ALK: variants seen among roughly 807,000 people sequenced by gnomAD.
The protein encoded by ALK is ALK receptor tyrosine kinase, also known as ALK tyrosine kinase receptor.
ALK carries 74 observed loss-of-function variants against 163.1 expected under a neutral mutation model. That is an observed-to-expected ratio of 0.45 (90% CI 0.38 to 0.55). The LOEUF (loss-of-function observed/expected upper bound fraction) is 0.55, where lower values mean the gene tolerates loss of function less well. Among genes scored for constraint, ALK ranks in the 20% least tolerant of loss-of-function variants. ALK has a pLI of 0.00. For synonymous variants in ALK, 960 were observed against 843.2 expected (o/e 1.14, Z -2.40); for missense variants, 2,063 against 2,105.3 (o/e 0.98, Z 0.39).
chr2:29,441,125 C>T (rs1016362417), intron 4 of ALK, among the ~76,000 whole-genome samples: 15 of 152,192 alleles, frequency 9.9e-5, no homozygotes, highest in South Asian at 4.1e-4. Flanking sequence ...AGTGCTGGCA[C>T]GCCCTGCTCA....
At position 29,705,867 on chromosome 2, in the gene ALK, G is replaced by A. The variant is rs186223575; in HGVS notation, c.788-10853C>T. Among the ~76,000 whole-genome samples the A allele has an allele frequency of 5.1e-3, 784 of 152,320 alleles. 9 individuals carry two copies. Among genetic ancestry groups the A allele is most frequent in the South Asian group, 0.035 (169 of 4,824 alleles). On this transcript the variant is annotated intron_variant, in intron 2 of 28. Transcript: ENST00000389048. ...ACTCTTTAAGTGTCTCCAGGAGTCA[G>A]CAATGGCAGAGAGCACATAAGAGGG...
At chr2:29,864,531 A>G (rs146940450) in intron 1 of ALK, among the ~76,000 whole-genome samples, 1,751 of 152,330 alleles carry the variant, frequency 0.011, 34 homozygotes, top group African/African-American at 0.04. Context: ...GATACCAAGA[A>G]TCACATCTTT....
At chr2:29,905,141 T>A (rs573966393) in intron 1 of ALK, among the ~76,000 whole-genome samples, 2 of 152,354 alleles carry the variant, frequency 1.3e-5, no homozygotes, top group African/African-American at 4.8e-5. Flanking sequence ...TGCAAAGTAA[T>A]TTCTTGATGT....
chr2:29,702,882 T>G (rs1159187337), intron 2 of ALK, among the ~76,000 whole-genome samples: 2 of 152,182 alleles, frequency 1.3e-5, no homozygotes, highest in African/African-American at 2.4e-5. Context: ...TCCCATGACA[T>G]GTAGGGATTA....
intron 1 of ALK, among the ~76,000 whole-genome samples, chr2:29,765,006 T>TTC (rs374922669): frequency 1.1e-4 from 16 of 151,618 alleles, no homozygotes; most frequent in Non-Finnish European, 2.4e-4. Flanking sequence ...TGGCACCTCC[T>TTC]TCTCTCTCTC....
chr2:29,201,993 C>G (rs1279948443), intron 26 of ALK, among the ~76,000 whole-genome samples: 1 of 152,064 alleles, frequency 6.6e-6, no homozygotes, highest in East Asian at 1.9e-4. Flanking sequence ...GCTTACAACC[C>G]TTCAACCGGC....
chr2:29,531,951 C>G lies in ALK; in HGVS notation c.1118G>C (p.Arg373Thr). ...AQLLPHNEAAREILLMPTPGK... is the reference protein window; with the variant it reads ...AQLLPHNEAATEILLMPTPGK... The stretch of plus-strand genomic sequence containing the variant: ...TGGAGTGGGCATCAGGAGGATCTCT[C>G]TTGCAGCCTCGTTGTGGGGCAGCAG... Residue 373 changes from arginine to threonine, a missense_variant, in exon 4 of 29, where the codon AGA (arginine) becomes ACA (threonine). Arg to Thr is a moderately conservative substitution (Grantham distance 71, BLOSUM62 -1). Transcript: ENST00000389048. 1 of 1,614,186 alleles carries G rather than the reference C, an allele frequency of 6.2e-7. No homozygotes were observed. Among genetic ancestry groups the G allele is most frequent in the Non-Finnish European group, 8.5e-7 (1 of 1,180,024 alleles).
At chr2:29,233,206 G>A (rs551032163) in intron 14 of ALK, among the ~76,000 whole-genome samples, 1 of 152,278 alleles carries the variant, frequency 6.6e-6, no homozygotes, top group South Asian at 2.1e-4. Flanking sequence ...TCAATGGCGT[G>A]ATGACAGCTC....
intron 7 of ALK, 130 bp downstream of exon 7, chr2:29,320,621 G>A (rs190803448): frequency 3.6e-4 from 460 of 1,295,014 alleles, no homozygotes; most frequent in Admixed American, 5.2e-4. Flanking sequence ...GTGTGTGAAC[G>A]CTCTAGGCAA....
At chr2:29,624,225 G>T (rs1676124843) in intron 3 of ALK, among the ~76,000 whole-genome samples, 1 of 152,270 alleles carries the variant, frequency 6.6e-6, no homozygotes, top group Admixed American at 6.5e-5. Flanking sequence ...GGGTGGAGAT[G>T]TGTGAGGGAG....
intron 4 of ALK, among the ~76,000 whole-genome samples, chr2:29,474,623 C>T (rs572085391): frequency 5.9e-5 from 9 of 152,046 alleles, no homozygotes; most frequent in African/African-American, 2.2e-4. Flanking sequence ...TTCCAGTTAC[C>T]TTGTGTAACT....
At chr2:29,815,361 G>A (rs2148374515) in intron 1 of ALK, among the ~76,000 whole-genome samples, 1 of 152,208 alleles carries the variant, frequency 6.6e-6, no homozygotes, top group African/African-American at 2.4e-5. Flanking sequence ...AGGGGAAGGG[G>A]TAGCAGGAGC....
At chr2:29,553,346 C>T (rs868779286) in intron 3 of ALK, among the ~76,000 whole-genome samples, 1 of 152,272 alleles carries the variant, frequency 6.6e-6, no homozygotes, top group Non-Finnish European at 1.5e-5. Flanking sequence ...GGTCTCAGTG[C>T]CTTGATGTTG....
At chr2:29,811,752 T>G (rs550505612) in intron 1 of ALK, among the ~76,000 whole-genome samples, 2 of 152,354 alleles carry the variant, frequency 1.3e-5, no homozygotes, top group Non-Finnish European at 1.5e-5. Context: ...CTGATCTGGA[T>G]TTCAAGTTCA....
At chr2:29,562,144 A>G (rs993939022) in intron 3 of ALK, among the ~76,000 whole-genome samples, 18 of 152,214 alleles carry the variant, frequency 1.2e-4, no homozygotes, top group Admixed American at 6.5e-4. Flanking sequence ...CTGCTGGACA[A>G]CCATGGGTGG....
chr2:29,607,340 C>G (rs1675568055), intron 3 of ALK, among the ~76,000 whole-genome samples: 1 of 152,184 alleles, frequency 6.6e-6, no homozygotes, highest in South Asian at 2.1e-4. Flanking sequence ...GATCATCTCT[C>G]TAAGCATAGA....
At chr2:29,646,054 G>A (rs1448603595) in intron 3 of ALK, among the ~76,000 whole-genome samples, 1 of 152,000 alleles carries the variant, frequency 6.6e-6, no homozygotes, top group Non-Finnish European at 1.5e-5. Flanking sequence ...CTGAGATCCA[G>A]GGCCCTTTAT....
At chr2:29,402,099 T>G (rs1479973072) in intron 4 of ALK, among the ~76,000 whole-genome samples, 2 of 152,170 alleles carry the variant, frequency 1.3e-5, no homozygotes, top group African/African-American at 4.8e-5. Context: ...AAGGCAGACT[T>G]TGGCAGCGGG....
intron 3 of ALK, among the ~76,000 whole-genome samples, chr2:29,691,454 T>A (rs1372080031): frequency 6.6e-6 from 1 of 152,184 alleles, no homozygotes; most frequent in East Asian, 1.9e-4. Context: ...CCATCCTTAG[T>A]ATTGCTAACT....
Sources: gnomAD v4.1 joint callset for allele counts (sites outside exome capture counted in the v4.1 genomes callset) on GRCh38, gnomAD v4.1.1 for gene constraint, MANE v1.5 for transcripts, NCBI Gene and HGNC (gene_info 2026-07-23, HGNC 2026-07-21) for gene names.